ANO3: variants seen among roughly 807,000 people sequenced by gnomAD.
ANO3 encodes anoctamin 3, also known as anoctamin-3.
Under a neutral mutation model 144.8 loss-of-function variants are expected in ANO3, and 99 were observed. The observed-to-expected ratio is 0.68, with a 90% confidence interval of 0.58 to 0.81. ANO3 has a LOEUF of 0.81. Among genes scored for constraint, ANO3 ranks in the 30% least tolerant of loss-of-function variants. The probability of loss-of-function intolerance (pLI) is 0.00; values close to 1 mark genes in which losing one functional copy is unlikely to be tolerated. For synonymous variants in ANO3, 414 were observed against 392.6 expected, an observed-to-expected ratio of 1.05 and a Z score of -0.64; for missense variants, 905 against 1,202.2, an observed-to-expected ratio of 0.75 and a Z score of 3.66.
chr11:26,309,689 G>C lies in ANO3; in HGVS notation c.-33G>C, dbSNP rs933281901. 44 of 985,394 alleles carry C rather than the reference G, an allele frequency of 4.5e-5. No homozygotes were observed. The African/African-American group carries it at 7.3e-4, about 16-fold the overall frequency. The allele number at this position is 985,394 out of a possible 1,614,324, so 61.0% of individuals were successfully genotyped here. On this transcript the variant is annotated 5_prime_UTR_variant, in exon 1 of 27. Transcript: ENST00000525139. ...TTCTCATCGTGAGCTTGAGAAGAGT[G>C]TGTGGGCTGCCAAAGGCAAATATAA...
intron 1 of ANO3, among the ~76,000 whole-genome samples, chr11:26,371,116 A>G (rs1327774176): frequency 5.9e-5 from 9 of 152,106 alleles, no homozygotes; most frequent in Non-Finnish European, 1.0e-4. Flanking sequence ...AAACTCCTTT[A>G]GTGGACCAGG....
chr11:26,495,260 G>T (rs925428893), intron 4 of ANO3, among the ~76,000 whole-genome samples: 4 of 136,686 alleles, frequency 2.9e-5, no homozygotes, highest in African/African-American at 1.1e-4. Flanking sequence ...GTGCCACCAC[G>T]GCTGGCTGAT....
At chr11:26,563,168 C>T in intron 14 of ANO3, 1 of 1,612,368 alleles carries the variant, frequency 6.2e-7, no homozygotes, top group Non-Finnish European at 8.5e-7. Flanking sequence ...AATCCGTTTT[C>T]CTTTTTCCAC....
intron 21 of ANO3, 114 bp downstream of exon 21, chr11:26,639,355 A>C (rs745702955): frequency 1.9e-5 from 14 of 718,352 alleles, no homozygotes; most frequent in Non-Finnish European, 3.2e-5. Context: ...TGATGGCTCA[A>C]TTCCTGTTCT....
chr11:26,564,789 T>TTGCTTCACTTTC (rs748174773), intron 14 of ANO3, among the ~76,000 whole-genome samples: 3,784 of 99,744 alleles, frequency 0.038, 193 homozygotes, highest in Non-Finnish European at 0.057. Context: ...ATATATAAGT[T>TTGCTTCACTTTC]CAGTTGTATA....
intron 1 of ANO3, among the ~76,000 whole-genome samples, chr11:26,288,669 T>C (rs1220947787): frequency 6.6e-6 from 1 of 152,118 alleles, no homozygotes; most frequent in Non-Finnish European, 1.5e-5. Flanking sequence ...AGAAAACACC[T>C]AAGCAAACCA....
upstream of ANO3, among the ~76,000 whole-genome samples, chr11:26,330,906 A>T (rs754437723): frequency 6.6e-6 from 1 of 152,186 alleles, no homozygotes; most frequent in Admixed American, 6.5e-5. Flanking sequence ...CCTGATTCTG[A>T]GTTGATTCCA....
rs192251596 is a variant in ANO3 at position 26,591,874 on chromosome 11, G to A, written c.1448-6491G>A. Among the ~76,000 whole-genome samples, 34 of 152,066 alleles carry A rather than the reference G, an allele frequency of 2.2e-4. 1 individual carries two copies. The South Asian group carries it at 3.3e-3, about 15-fold the overall frequency. On this transcript the variant is annotated intron_variant, in intron 14 of 26. Transcript: ENST00000256737. Reference sequence around the variant, plus strand: ...GCAGTATCCAGGGTTTGACTTGAGCGTGATGTATCCAAGACTCCACTCCAG... The same window carrying A: ...GCAGTATCCAGGGTTTGACTTGAGCATGATGTATCCAAGACTCCACTCCAG...
At chr11:26,655,995 T>C in intron 24 of ANO3, 130 bp from the exon 25 acceptor site, 1 of 700,448 alleles carries the variant, frequency 1.4e-6, no homozygotes, top group Non-Finnish European at 2.4e-6. Flanking sequence ...ATAAAAGAGC[T>C]TGGTTGCTAA....
intron 18 of ANO3, among the ~76,000 whole-genome samples, 187 bp from the exon 19 acceptor site, chr11:26,634,017 G>A (rs1183986663): frequency 6.7e-6 from 1 of 150,028 alleles, no homozygotes; most frequent in Non-Finnish European, 1.5e-5. Flanking sequence ...GGCACAGGTT[G>A]CAGTGAGCCA....
At chr11:26,579,840 T>C (rs1374405729) in intron 14 of ANO3, among the ~76,000 whole-genome samples, 1 of 152,132 alleles carries the variant, frequency 6.6e-6, no homozygotes, top group Non-Finnish European at 1.5e-5. Context: ...GAGTTCACTT[T>C]TGAACAGCAT....
intron 3 of ANO3, 65 bp from the exon 4 acceptor site, chr11:26,462,965 G>A (rs1859466257): frequency 8.0e-6 from 6 of 746,872 alleles, no homozygotes; most frequent in Non-Finnish European, 1.3e-5. Context: ...GGAGAGATTA[G>A]TATGTTTAAT....
rs146261867 is a variant in ANO3 at position 26,220,108 on chromosome 11, C to T, written c.154+30778C>T. Among the ~76,000 whole-genome samples, 44 of 152,324 alleles carry T rather than the reference C, an allele frequency of 2.9e-4. 1 individual carries two copies. The highest frequency in any genetic ancestry group is 9.6e-4 in the African/African-American group (40 of 41,572). ...TAAGGTAATCTATGGTCCTGTCCTCCTACAGTTCACTCCCTGAGCCAGGTA... is the reference window on the plus strand; with the variant it reads ...TAAGGTAATCTATGGTCCTGTCCTCTTACAGTTCACTCCCTGAGCCAGGTA... On this transcript the variant is annotated intron_variant, in intron 1 of 27. Coordinates refer to the ANO3 transcript ENST00000672621.
chr11:26,409,297 T>C lies in ANO3; in HGVS notation c.47-32621T>C, dbSNP rs77544085. On this transcript the variant is annotated intron_variant, in intron 1 of 26. Transcript: ENST00000256737. Reference sequence around the variant, plus strand: ...TGTCATTTATTCCTAGAGCTGACACTATATCTGGCACATAGTAAGAGCTCA... The same window carrying C: ...TGTCATTTATTCCTAGAGCTGACACCATATCTGGCACATAGTAAGAGCTCA... 9.9e-3 allele frequency among the ~76,000 whole-genome samples: 1,511 copies of C among 151,974 alleles called. 20 individuals carry two copies. The highest frequency in any genetic ancestry group is 0.034 in the African/African-American group (1,397 of 41,510).
At chr11:26,231,715 A>T (rs1852403759) in intron 1 of ANO3, among the ~76,000 whole-genome samples, 1 of 152,174 alleles carries the variant, frequency 6.6e-6, no homozygotes. Context: ...ATAAAATGGG[A>T]ATAATAGGCC....
Position 26,509,381 on chromosome 11 carries a change from T to A in ANO3, c.591+1119T>A, listed in dbSNP as rs891433419. 5.9e-5 allele frequency among the ~76,000 whole-genome samples: 9 copies of A among 152,046 alleles called. 1 individual carries two copies. The South Asian group carries it at 1.7e-3, about 28-fold the overall frequency. On this transcript the variant is annotated intron_variant, in intron 5 of 26. Transcript: ENST00000256737. Reference sequence around the variant, plus strand: ...CCCAGGCTGGAGAGCAGTGGCGCGATCTTGGCTTAATGCAACCTCTGCCTC... The same window carrying A: ...CCCAGGCTGGAGAGCAGTGGCGCGAACTTGGCTTAATGCAACCTCTGCCTC...
chr11:26,217,144 A>G (rs1479342140), intron 1 of ANO3, among the ~76,000 whole-genome samples: 2 of 152,006 alleles, frequency 1.3e-5, no homozygotes, highest in Non-Finnish European at 2.9e-5. Context: ...TCACCACGTG[A>G]TCATATGGAT....
chr11:26,365,069 C>G (rs2133929806), intron 1 of ANO3, among the ~76,000 whole-genome samples: 1 of 152,332 alleles, frequency 6.6e-6, no homozygotes, highest in Admixed American at 6.5e-5. Flanking sequence ...TAAACATACC[C>G]ATTCCAAAAA....
chr11:26,599,948 A>G (rs1189558174), intron 17 of ANO3, among the ~76,000 whole-genome samples: 1 of 152,076 alleles, frequency 6.6e-6, no homozygotes, highest in Non-Finnish European at 1.5e-5. Flanking sequence ...TTTTGGGTTT[A>G]TAATCTGATT....
Sources: gnomAD v4.1 joint callset for allele counts (sites outside exome capture counted in the v4.1 genomes callset) on GRCh38, gnomAD v4.1.1 for gene constraint, MANE v1.5 for transcripts, NCBI Gene and HGNC (gene_info 2026-07-23, HGNC 2026-07-21) for gene names.